EPHB1: variants seen among roughly 807,000 people sequenced by gnomAD.
The protein encoded by EPHB1 is ephrin type-B receptor 1.
In EPHB1, 30 loss-of-function variants were observed where a neutral mutation model predicts 94.4. The observed-to-expected ratio is 0.32, with a 90% CI of 0.24 to 0.43. The LOEUF (loss-of-function observed/expected upper bound fraction) is 0.43, where lower values mean the gene tolerates loss of function less well. Among genes scored for constraint, EPHB1 ranks in the 20% least tolerant of loss-of-function variants. EPHB1 has a pLI of 1.00. For missense variants in EPHB1, 1,055 were observed against 1,308.3 expected, an observed-to-expected ratio of 0.81 and a Z score of 2.99; for synonymous variants, 522 against 489.1, an observed-to-expected ratio of 1.07 and a Z score of -0.89.
chr3:134,825,347 GT>G (rs2036457898), intron 1 of EPHB1, among the ~76,000 whole-genome samples: 1 of 152,242 alleles, frequency 6.6e-6, no homozygotes, highest in Non-Finnish European at 1.5e-5. Flanking sequence ...TAATGGGATG[GT>G]TTTGAACCTA....
intron 3 of EPHB1, among the ~76,000 whole-genome samples, chr3:135,036,104 TA>T (rs1339239509): frequency 6.6e-6 from 1 of 152,190 alleles, no homozygotes; most frequent in African/African-American, 2.4e-5. Flanking sequence ...GGCTTTAGTC[TA>T]AATACTGAGG....
At chr3:135,047,529 A>C (rs1239090002) in intron 3 of EPHB1, among the ~76,000 whole-genome samples, 1 of 152,176 alleles carries the variant, frequency 6.6e-6, no homozygotes, top group Admixed American at 6.5e-5. Context: ...GGGCCTCTGC[A>C]GGACTGACTG....
intron 1 of EPHB1, among the ~76,000 whole-genome samples, chr3:134,845,522 G>A (rs2036855927): frequency 6.6e-6 from 1 of 152,220 alleles, no homozygotes; most frequent in African/African-American, 2.4e-5. Flanking sequence ...TGCAGGCTCC[G>A]AGGCCAGAAG....
rs1260022236 is a variant in EPHB1, at chr3:134,951,225, G to A, written c.124-146G>A. ...CTTTAAAATCAAGTTGCGCTTAGAT[G>A]TGTTCATTTCTCAAGTCAATCTGCT... On this transcript the variant is annotated intron_variant, in intron 2 of 15. Transcript: ENST00000398015. The surrounding 1 kb of genome is among the most constrained non-coding windows in gnomAD (Gnocchi z 4.5). 4.6e-6 allele frequency: 3 copies of A among 646,970 alleles called. No homozygotes were observed. Among genetic ancestry groups the A allele is most frequent in the South Asian group, 3.5e-5 (1 of 28,620 alleles). The allele number at this position is 646,970 out of a possible 1,614,324, so 40.1% of individuals were successfully genotyped here. A position where few individuals can be genotyped will look rare whatever the true frequency, so the allele number is the denominator to read the frequency against.
At chr3:135,224,543 TATATATTAC>T (rs1264918653) in intron 12 of EPHB1, among the ~76,000 whole-genome samples, 18 of 152,314 alleles carry the variant, frequency 1.2e-4, no homozygotes, top group African/African-American at 4.1e-4. Context: ...TTATGTACAG[TATATATTAC>T]ATATTTTTCT....
chr3:134,954,066 C>T (rs1933144379), intron 3 of EPHB1, among the ~76,000 whole-genome samples: 1 of 152,210 alleles, frequency 6.6e-6, no homozygotes, highest in South Asian at 2.1e-4. Context: ...TTTGCCTCTT[C>T]AGAGGCATGG....
chr3:134,920,649 G>T (rs1332433372), intron 1 of EPHB1, among the ~76,000 whole-genome samples: 1 of 152,212 alleles, frequency 6.6e-6, no homozygotes, highest in Non-Finnish European at 1.5e-5. Flanking sequence ...TGGAGGAGCT[G>T]TAAAAAGAGG....
At chr3:135,113,133 G>A (rs1455801710) in intron 4 of EPHB1, among the ~76,000 whole-genome samples, 1 of 152,224 alleles carries the variant, frequency 6.6e-6, no homozygotes, top group East Asian at 1.9e-4. Context: ...TCAGAGGGCA[G>A]GCCTAGATTT....
At chr3:135,012,577 A>G (rs1394075899) in intron 3 of EPHB1, among the ~76,000 whole-genome samples, 1 of 152,208 alleles carries the variant, frequency 6.6e-6, no homozygotes, top group Non-Finnish European at 1.5e-5. Flanking sequence ...ATTTTCCCCT[A>G]CTTTTCAGTC....
Position 134,972,870 on chromosome 3 carries a change from GT to G in EPHB1, c.805+20819del, listed in dbSNP as rs1298403672. Among the ~76,000 whole-genome samples the G allele has an allele frequency of 2.6e-5, 4 of 151,962 alleles. No homozygotes were observed. In the East Asian group the frequency reaches 7.7e-4, roughly 29 times the overall value. ...TTGAATGGGAGCAGGCCAAATGGCC[GT>G]CCTGCCTTGCTGTGACAACCCTATT... On this transcript the variant is annotated intron_variant, in intron 3 of 15. Coordinates refer to ENST00000398015, the MANE Select transcript of EPHB1 (RefSeq NM_004441.5).
chr3:134,932,552 C>T (rs1166748570), intron 2 of EPHB1, among the ~76,000 whole-genome samples: 1 of 152,214 alleles, frequency 6.6e-6, no homozygotes, highest in Non-Finnish European at 1.5e-5. Context: ...GATCTGCACT[C>T]CCTGCCTGTG....
intron 10 of EPHB1, among the ~76,000 whole-genome samples, chr3:135,181,135 G>A (rs1186867242): frequency 6.6e-6 from 1 of 152,136 alleles, no homozygotes; most frequent in Non-Finnish European, 1.5e-5. Flanking sequence ...CTGTGAAATT[G>A]GAAGTCACAT....
intron 2 of EPHB1, among the ~76,000 whole-genome samples, chr3:134,943,271 C>T (rs546257972): frequency 5.3e-5 from 8 of 152,340 alleles, no homozygotes; most frequent in Admixed American, 2.0e-4. Flanking sequence ...GCATCAGGGT[C>T]AGTCAGAACA....
intron 1 of EPHB1, among the ~76,000 whole-genome samples, chr3:134,909,636 G>A (rs574900763): frequency 6.6e-6 from 1 of 152,274 alleles, no homozygotes; most frequent in Non-Finnish European, 1.5e-5. Flanking sequence ...ACTCACCTTG[G>A]TCTTTTCTCA....
rs148043621 is a variant in EPHB1, at chr3:135,115,670, G to C, written c.961+9067G>C. On this transcript the variant is annotated intron_variant, in intron 4 of 15. Transcript: ENST00000398015. ...CCTACTGTGGAATCAGGTAAACCAG[G>C]GTTGACTCTCAGCTCCACTCCTTCC... is the stretch of plus-strand genomic sequence containing the variant. Among the ~76,000 whole-genome samples, 54 of 152,226 alleles carry C rather than the reference G, an allele frequency of 3.5e-4. No individual in the cohort carries two copies. In the East Asian group the frequency reaches 0.01, roughly 29 times the overall value.
chr3:134,858,734 A>G (rs1285243639), intron 1 of EPHB1, among the ~76,000 whole-genome samples: 1 of 152,232 alleles, frequency 6.6e-6, no homozygotes, highest in Non-Finnish European at 1.5e-5. Context: ...TGAGGACACT[A>G]AGGTGGAGCA....
intron 3 of EPHB1, among the ~76,000 whole-genome samples, chr3:134,976,048 A>C (rs1934177969): frequency 6.6e-6 from 1 of 152,176 alleles, no homozygotes; most frequent in Non-Finnish European, 1.5e-5. Context: ...ACCTGGAGGG[A>C]GTCTGCCTTG....
At chr3:135,194,930 T>TA (rs11386295) in intron 11 of EPHB1, among the ~76,000 whole-genome samples, 1,975 of 152,332 alleles carry the variant, frequency 0.013, 39 homozygotes, top group African/African-American at 0.046. Flanking sequence ...ATCCTGTGTG[T>TA]ACATTATCTC....
intron 1 of EPHB1, among the ~76,000 whole-genome samples, chr3:134,797,649 C>A (rs760376894): frequency 6.6e-6 from 1 of 152,198 alleles, no homozygotes; most frequent in Non-Finnish European, 1.5e-5. Flanking sequence ...CTCTTCTTGG[C>A]TAGCCAGAGG....
Sources: gnomAD v4.1 joint callset for allele counts (sites outside exome capture counted in the v4.1 genomes callset) on GRCh38, gnomAD v4.1.1 for gene constraint, Gnocchi (gnomAD v3.1) non-coding constraint, MANE v1.5 for transcripts, NCBI Gene and HGNC (gene_info 2026-07-23, HGNC 2026-07-21) for gene names.